Variants in PPFIBP2 observed in about 807,000 individuals in gnomAD.
The protein encoded by PPFIBP2 is PPFIB scaffold protein 2, also known as liprin-beta-2.
Under a neutral mutation model 118.3 loss-of-function variants are expected in PPFIBP2, and 118 were observed. The observed-to-expected ratio is 1.00, with a 90% CI of 0.86 to 1.16. PPFIBP2 has a LOEUF of 1.16. Ranked by LOEUF, PPFIBP2 falls within the 50% of genes most tolerant of loss-of-function variation. PPFIBP2 has a pLI of 0.00. For missense variants in PPFIBP2, 1,195 were observed against 1,073.1 expected (o/e 1.11, Z -1.59); for synonymous variants, 414 against 397.4 (o/e 1.04, Z -0.50).
chr11:7,596,163 A>G (rs1182628086), intron 4 of PPFIBP2, among the ~76,000 whole-genome samples: 2 of 152,256 alleles, frequency 1.3e-5, no homozygotes, highest in Admixed American at 6.5e-5. Flanking sequence ...GGCATGGTAT[A>G]GACCATAGAA....
At chr11:7,520,997 C>G (rs1849707507) in intron 1 of PPFIBP2, among the ~76,000 whole-genome samples, 1 of 152,150 alleles carries the variant, frequency 6.6e-6, no homozygotes, top group Non-Finnish European at 1.5e-5. Flanking sequence ...AAGAGGCTGT[C>G]CTAGAATAAT....
rs1436832044 is a variant in PPFIBP2 at position 7,565,581 on chromosome 11, T to C, written c.93T>C (p.Asp31=). The change falls in exon 3 of 24, where the codon GAT becomes GAC. Residue 31 remains aspartate (D), a synonymous_variant. Transcript: ENST00000299492. ...CTAAAACAGGTGCAGATCTTAGTGATGGTACTTGTGAGCCTGGACTGGCTT... is the reference window on the plus strand; with the variant it reads ...CTAAAACAGGTGCAGATCTTAGTGACGGTACTTGTGAGCCTGGACTGGCTT... ...AGTKTGADLS[D]GTCEPGLASP... is the part of the protein sequence containing the mutation. 6.2e-7 allele frequency: 1 copy of C among 1,614,236 alleles called. No homozygotes were observed. Among genetic ancestry groups the C allele is most frequent in the South Asian group, 1.1e-5 (1 of 91,086 alleles).
chr11:7,566,588 G>A (rs912065383), intron 3 of PPFIBP2, among the ~76,000 whole-genome samples: 3 of 152,134 alleles, frequency 2.0e-5, no homozygotes, highest in Admixed American at 1.3e-4. Context: ...GGTTGGTCTT[G>A]AAATCTTGGC....
At chr11:7,596,413 T>A (rs1860320449) in intron 4 of PPFIBP2, among the ~76,000 whole-genome samples, 1 of 152,040 alleles carries the variant, frequency 6.6e-6, no homozygotes, top group Non-Finnish European at 1.5e-5. Context: ...TTTTAACATT[T>A]TTTTTGGTTA....
chr11:7,593,363 T>C (rs1039008295), intron 4 of PPFIBP2, 139 bp downstream of exon 4: 1 of 1,307,402 alleles, frequency 7.6e-7, no homozygotes, highest in Non-Finnish European at 1.0e-6. Flanking sequence ...AAAAGACTTT[T>C]CCTGAAATAA....
At chr11:7,605,773 TGAAAGGTCAGAA>T in intron 5 of PPFIBP2, 1 of 1,376,470 alleles carries the variant, frequency 7.3e-7, no homozygotes, top group Non-Finnish European at 9.3e-7. Flanking sequence ...GTGGGACAGA[TGAAAGGTCAGAA>T]GATTGTGGCC....
At chr11:7,622,555 TTATG>T (rs1565075043) in intron 7 of PPFIBP2, among the ~76,000 whole-genome samples, 1 of 152,232 alleles carries the variant, frequency 6.6e-6, no homozygotes, top group Non-Finnish European at 1.5e-5. Flanking sequence ...ATATAAATAT[TTATG>T]TAATCTAGTG....
intron 6 of PPFIBP2, among the ~76,000 whole-genome samples, chr11:7,619,680 T>G (rs1224981220): frequency 6.6e-6 from 1 of 152,200 alleles, no homozygotes; most frequent in Non-Finnish European, 1.5e-5. Context: ...TCAAGTTGTT[T>G]TCCTGGAAGT....
chr11:7,652,892 A>G (rs1854255742), intron 23 of PPFIBP2, 132 bp from the exon 24 acceptor site: 3 of 1,076,642 alleles, frequency 2.8e-6, no homozygotes, highest in Non-Finnish European at 4.0e-6. Flanking sequence ...TGTTTTGTTC[A>G]GAGTCTTTCT....
chr11:7,655,288 C>G, downstream of PPFIBP2: 1 of 481,728 alleles, frequency 2.1e-6, no homozygotes, highest in Non-Finnish European at 3.7e-6. Context: ...TGTCACTCCT[C>G]AGGGCCTGGC....
intron 2 of PPFIBP2, among the ~76,000 whole-genome samples, chr11:7,559,449 T>A (rs1302010914): frequency 6.6e-6 from 1 of 152,158 alleles, no homozygotes; most frequent in Non-Finnish European, 1.5e-5. Flanking sequence ...ATGCTGGGCT[T>A]TAGGTGTTGC....
intron 21 of PPFIBP2, among the ~76,000 whole-genome samples, chr11:7,650,465 C>G (rs1208477172): frequency 1.3e-5 from 2 of 152,172 alleles, no homozygotes; most frequent in African/African-American, 4.8e-5. Flanking sequence ...ATTGGCCACA[C>G]CAGGGAGATC....
At chr11:7,645,190 A>G (rs1162699002) in intron 17 of PPFIBP2, among the ~76,000 whole-genome samples, 2 of 152,044 alleles carry the variant, frequency 1.3e-5, no homozygotes, top group Admixed American at 1.3e-4. Context: ...GCTAAGGGGA[A>G]GTTGACCTGG....
downstream of PPFIBP2, among the ~76,000 whole-genome samples, chr11:7,654,644 C>A (rs1248555062): frequency 6.6e-6 from 1 of 152,244 alleles, no homozygotes; most frequent in African/African-American, 2.4e-5. Context: ...TACCCAGGTC[C>A]ACTGGATGAC....
At chr11:7,644,256 A>G (rs1223184916) in intron 17 of PPFIBP2, among the ~76,000 whole-genome samples, 1 of 152,166 alleles carries the variant, frequency 6.6e-6, no homozygotes, top group Admixed American at 6.5e-5. Flanking sequence ...TGGAATTTTT[A>G]TGTTTATATA....
the PPFIBP2 span, among the ~76,000 whole-genome samples, chr11:7,663,363 A>T: frequency 6.6e-6 from 1 of 151,174 alleles, no homozygotes; most frequent in African/African-American, 2.4e-5. Flanking sequence ...TTTTCCTTCT[A>T]ACAGACAGGA....
intron 5 of PPFIBP2, chr11:7,605,751 TTGAG>T: frequency 3.0e-6 from 4 of 1,341,958 alleles, no homozygotes; most frequent in Non-Finnish European, 3.8e-6. Context: ...AAATTAGAGG[TTGAG>T]TGAGCAAGTG....
At chr11:7,514,634 A>G (rs1305533686) in intron 1 of PPFIBP2, among the ~76,000 whole-genome samples, 1 of 152,214 alleles carries the variant, frequency 6.6e-6, no homozygotes, top group Non-Finnish European at 1.5e-5. Flanking sequence ...AATACAGCAC[A>G]CTTTTTAAAA....
chr11:7,602,087 CA>C (rs201003988), intron 5 of PPFIBP2, among the ~76,000 whole-genome samples: 9,185 of 56,460 alleles, frequency 0.16, 345 homozygotes, highest in African/African-American at 0.25. Flanking sequence ...GAATGAAACT[CA>C]AAAAAAAAAA....
Sources: gnomAD v4.1 joint callset for allele counts (sites outside exome capture counted in the v4.1 genomes callset) on GRCh38, gnomAD v4.1.1 for gene constraint, MANE v1.5 for transcripts, NCBI Gene and HGNC (gene_info 2026-07-23, HGNC 2026-07-21) for gene names.